Variants in MBP observed in about 807,000 individuals in gnomAD.
MBP encodes myelin basic protein.
In MBP, 16 loss-of-function variants were observed where a neutral mutation model predicts 35.8. That is an observed-to-expected ratio of 0.45 (90% CI 0.30 to 0.68). The LOEUF (loss-of-function observed/expected upper bound fraction) is 0.68. MBP is among the 30% of genes least tolerant of loss of function. The pLI is 0.08. For synonymous variants in MBP, 143 were observed against 159.6 expected, an observed-to-expected ratio of 0.90 and a Z score of 0.78; for missense variants, 380 against 404.7, an observed-to-expected ratio of 0.94 and a Z score of 0.52.
chr18:77,005,062 C>G (rs1473169249), intron 4 of MBP: 1 of 152,360 alleles, frequency 6.6e-6, no homozygotes, highest in South Asian at 2.1e-4. Context: ...TACAACAAAT[C>G]AAAGTTCGGC....
chr18:77,084,418 CCGCCA>C (rs1315443618), intron 2 of MBP, among the ~76,000 whole-genome samples: 9 of 42,732 alleles, frequency 2.1e-4, no homozygotes, highest in African/African-American at 5.4e-4. Context: ...ACCGCCCCCC[CCGCCA>C]CACCACACCA....
At chr18:77,082,733 G>A (rs573030293) in intron 2 of MBP, among the ~76,000 whole-genome samples, 2,784 of 111,184 alleles carry the variant, frequency 0.025, 20 homozygotes, top group South Asian at 0.032. Context: ...TCAGAAGGAT[G>A]AGGAATCCTT....
chr18:77,039,861 G>A (rs1453969120), intron 3 of MBP, among the ~76,000 whole-genome samples: 2 of 152,202 alleles, frequency 1.3e-5, no homozygotes, highest in African/African-American at 4.8e-5. Flanking sequence ...GCCCCTGTCC[G>A]GTCACCCGAA....
intron 3 of MBP, among the ~76,000 whole-genome samples, chr18:77,049,130 T>C (rs1486783657): frequency 1.3e-5 from 2 of 151,410 alleles, no homozygotes; most frequent in Non-Finnish European, 1.5e-5. Context: ...CGTGTTAGCC[T>C]GGATGGTCTC....
chr18:77,029,211 C>T (rs1259023294), intron 3 of MBP, among the ~76,000 whole-genome samples: 1 of 144,038 alleles, frequency 6.9e-6, no homozygotes, highest in Non-Finnish European at 1.6e-5. Context: ...GAGCTGGAGA[C>T]CAGCCCGGCC....
At chr18:77,042,290 G>C (rs73968264) in intron 3 of MBP, among the ~76,000 whole-genome samples, 1 of 145,438 alleles carries the variant, frequency 6.9e-6, no homozygotes, top group Non-Finnish European at 1.5e-5. Context: ...CGGTCTCCCC[G>C]GGGGACCTGA....
At position 77,128,254 on chromosome 18, in the gene MBP, G is replaced by A. The variant is rs192376248; in HGVS notation, c.-26+4326C>T. 3.9e-5 allele frequency among the ~76,000 whole-genome samples: 6 copies of A among 152,330 alleles called. No individual in the cohort carries two copies. In the East Asian group the frequency reaches 9.6e-4, roughly 24 times the overall value. On this transcript the variant is annotated intron_variant, in intron 1 of 8. Transcript: ENST00000355994. ...TTGCCAACCCGGATGGGTCTCAAGG[G>A]AATTGCGTTTAGCGGAAAAAGCCAG...
chr18:76,985,248 C>G, intron 7 of MBP: 1 of 1,356,560 alleles, frequency 7.4e-7, no homozygotes, highest in Non-Finnish European at 9.7e-7. Flanking sequence ...AAACATCAAG[C>G]AAATCAAGGT....
chr18:77,076,334 G>A lies in MBP; in HGVS notation c.52-9949C>T, dbSNP rs565913618. ...GGCCTCTTGAGTCAACAGGTGGGCC[G>A]TTTGAGTGCCCCACAGGGGAGTCCA... On this transcript the variant is annotated intron_variant, in intron 2 of 8. Transcript: ENST00000355994. Among the ~76,000 whole-genome samples, 13 of 152,358 alleles carry A rather than the reference G, an allele frequency of 8.5e-5. No individual in the cohort carries two copies. In the South Asian group the frequency reaches 1.4e-3, roughly 17 times the overall value.
chr18:77,029,035 G>A (rs1285147420), intron 3 of MBP, among the ~76,000 whole-genome samples: 1 of 107,164 alleles, frequency 9.3e-6, no homozygotes, highest in South Asian at 3.0e-4. Context: ...CTGCAATCTC[G>A]GCACTTTGGG....
chr18:77,131,986 T>G lies in MBP; in HGVS notation c.-26+594A>C, dbSNP rs2145286665. On this transcript the variant is annotated intron_variant, in intron 1 of 8. Transcript: ENST00000355994. This position sits in a 1 kb window ranked among gnomAD's most constrained non-coding sequence, Gnocchi z 5.5. ...CCTGGAGCTCAGAGGGAGACTGCGC[T>G]TCGCCCCGGGGGCAGGGGCAGGAGC... 6.6e-6 allele frequency among the ~76,000 whole-genome samples: 1 copy of G among 152,174 alleles called. No homozygotes were observed. The highest frequency in any genetic ancestry group is 1.9e-4 in the East Asian group (1 of 5,156).
chr18:77,057,248 G>A (rs1973762242), intron 3 of MBP, among the ~76,000 whole-genome samples: 1 of 152,180 alleles, frequency 6.6e-6, no homozygotes, highest in African/African-American at 2.4e-5. Context: ...CTCCCTGGCT[G>A]GCTGGGAGCA....
At position 77,016,606 on chromosome 18, in the gene MBP, G is replaced by A. The variant is rs562391222; in HGVS notation, c.576+226C>T. On this transcript the variant is annotated intron_variant, in intron 4 of 8. Coordinates refer to ENST00000355994, the MANE Select transcript of MBP (RefSeq NM_001025101.2). Reference sequence around the variant, plus strand: ...TCCTTACATTCCTGAGCCACACCCCGGCCACCATCCCTTGTGAGGAAAAGA... The same window carrying A: ...TCCTTACATTCCTGAGCCACACCCCAGCCACCATCCCTTGTGAGGAAAAGA... 8 of 1,399,686 alleles carry A rather than the reference G, an allele frequency of 5.7e-6. No homozygotes were observed. The Admixed American group carries it at 1.2e-4, about 21-fold the overall frequency. The allele number at this position is 1,399,686 out of a possible 1,614,324, so 86.7% of individuals were successfully genotyped here. A position where few individuals can be genotyped will look rare whatever the true frequency, so the allele number is the denominator to read the frequency against.
At chr18:77,040,128 C>A (rs185516278) in intron 3 of MBP, among the ~76,000 whole-genome samples, 1 of 152,320 alleles carries the variant, frequency 6.6e-6, no homozygotes, top group African/African-American at 2.4e-5. Context: ...CTTTAAGAAC[C>A]AAATTTTAGT....
chr18:76,999,070 A>G lies in MBP; in HGVS notation c.577-9010T>C, dbSNP rs76550395. On this transcript the variant is annotated intron_variant, in intron 4 of 8. Transcript: ENST00000355994. ...TTCAATTTATGGGGAGTGGGCACTT[A>G]TCATTCTGTCACACCTTATGATAAA... Among the ~76,000 whole-genome samples, 50 of 152,052 alleles carry G rather than the reference A, an allele frequency of 3.3e-4. No homozygotes were observed. In the East Asian group the frequency reaches 9.5e-3, roughly 29 times the overall value.
At chr18:77,123,863 G>A (rs941719752) in intron 1 of MBP, among the ~76,000 whole-genome samples, 1 of 152,206 alleles carries the variant, frequency 6.6e-6, no homozygotes, top group African/African-American at 2.4e-5. Flanking sequence ...TGGAGCTTTA[G>A]GTTTCTTAAT....
chr18:77,047,015 C>T (rs1402804291), intron 3 of MBP, among the ~76,000 whole-genome samples: 1 of 152,204 alleles, frequency 6.6e-6, no homozygotes, highest in Non-Finnish European at 1.5e-5. Context: ...AGGATTTTTA[C>T]CTCTGGGGAA....
intron 3 of MBP, among the ~76,000 whole-genome samples, chr18:77,049,639 C>T (rs773090730): frequency 1.3e-5 from 2 of 152,140 alleles, no homozygotes; most frequent in Admixed American, 6.6e-5. Flanking sequence ...ATTTTATTTA[C>T]TCATCATTGG....
chr18:77,044,778 A>T lies in MBP; in HGVS notation c.139+21520T>A, dbSNP rs1396078899. The stretch of plus-strand genomic sequence containing the variant: ...AAAAATGTTCATTTAGAAAAGTTGT[A>T]TCTGTTTTCTTTCCAAATAAATTTA... On this transcript the variant is annotated intron_variant, in intron 3 of 8. Transcript: ENST00000355994. This position sits in a 1 kb window ranked among gnomAD's most constrained non-coding sequence, Gnocchi z 4.4. 6.6e-6 allele frequency among the ~76,000 whole-genome samples: 1 copy of T among 152,162 alleles called. No individual in the cohort carries two copies. The highest frequency in any genetic ancestry group is 2.4e-5 in the African/African-American group (1 of 41,452).
Sources: gnomAD v4.1 joint callset for allele counts (sites outside exome capture counted in the v4.1 genomes callset) on GRCh38, gnomAD v4.1.1 for gene constraint, Gnocchi (gnomAD v3.1) non-coding constraint, MANE v1.5 for transcripts, NCBI Gene and HGNC (gene_info 2026-07-23, HGNC 2026-07-21) for gene names.